The following NT5DC1 variants were observed in gnomAD, a reference collection of about 807,000 sequenced individuals.
NT5DC1 encodes 5'-nucleotidase domain-containing protein 1.
Under a neutral mutation model 59.4 loss-of-function variants are expected in NT5DC1, and 42 were observed. That is an observed-to-expected ratio of 0.71 (90% confidence interval 0.55 to 0.92). The LOEUF (loss-of-function observed/expected upper bound fraction) is 0.92. NT5DC1 is among the 40% of genes least tolerant of loss of function. The pLI is 0.00. For synonymous variants in NT5DC1, 172 were observed against 188.1 expected, an observed-to-expected ratio of 0.91 and a Z score of 0.70; for missense variants, 501 against 537.1, an observed-to-expected ratio of 0.93 and a Z score of 0.66.
intron 4 of NT5DC1, among the ~76,000 whole-genome samples, chr6:116,113,876 C>T (rs1249324462): frequency 6.6e-6 from 1 of 152,202 alleles, no homozygotes; most frequent in Non-Finnish European, 1.5e-5. Flanking sequence ...CCTGAGACAG[C>T]TGACCATGAA....
At chr6:116,177,280 T>C (rs1409420200) in intron 6 of NT5DC1, among the ~76,000 whole-genome samples, 1 of 152,198 alleles carries the variant, frequency 6.6e-6, no homozygotes, top group African/African-American at 2.4e-5. Flanking sequence ...TGACATACTT[T>C]TCAATTAACT....
At chr6:116,120,645 G>T (rs1441733997) in intron 6 of NT5DC1, 1 of 1,548,704 alleles carries the variant, frequency 6.5e-7, no homozygotes. Context: ...GGCCCTGGTG[G>T]CCCGGTGGGT....
chr6:116,181,670 T>TG (rs1780875100), intron 6 of NT5DC1, among the ~76,000 whole-genome samples: 2 of 151,986 alleles, frequency 1.3e-5, no homozygotes, highest in South Asian at 4.1e-4. Flanking sequence ...ACTTACAAAA[T>TG]GCAAGTACCT....
At position 116,124,016 on chromosome 6, in the gene NT5DC1, G is replaced by A. The variant is rs542078270; in HGVS notation, c.529+6071G>A. Among the ~76,000 whole-genome samples, 6 of 152,106 alleles carry A rather than the reference G, an allele frequency of 3.9e-5. No homozygotes were observed. In the South Asian group the frequency reaches 6.2e-4, roughly 16 times the overall value. ...TTGTGTTTGTTGCTTCAAGTAAAGC[G>A]GAAGGTTGCTTTGTCTTTTATTTTT... On this transcript the variant is annotated intron_variant, in intron 6 of 11. Transcript: ENST00000319550.
intron 6 of NT5DC1, among the ~76,000 whole-genome samples, chr6:116,176,584 C>T (rs1294569588): frequency 6.6e-6 from 1 of 152,144 alleles, no homozygotes; most frequent in Non-Finnish European, 1.5e-5. Context: ...AACACAGTAC[C>T]ATCTACTTGG....
At chr6:116,235,256 T>G (rs1053659414) in intron 8 of NT5DC1, among the ~76,000 whole-genome samples, 1 of 152,220 alleles carries the variant, frequency 6.6e-6, no homozygotes, top group East Asian at 1.9e-4. Flanking sequence ...ATTTGCGTAG[T>G]AAGACATTTC....
intron 1 of NT5DC1, 27 bp downstream of exon 1, chr6:116,101,050 C>T: frequency 6.6e-7 from 1 of 1,509,066 alleles, no homozygotes; most frequent in East Asian, 2.5e-5. Context: ...CCGGGGCGCA[C>T]TGCGCGCAAC....
At chr6:116,114,536 AGGG>A (rs1229150345) in intron 4 of NT5DC1, among the ~76,000 whole-genome samples, 8 of 20,254 alleles carry the variant, frequency 3.9e-4, no homozygotes, top group African/African-American at 6.3e-4. Context: ...AATTGGGGGG[AGGG>A]GGGGGGAGTC....
At chr6:116,155,146 C>T (rs1780154656) in intron 6 of NT5DC1, among the ~76,000 whole-genome samples, 1 of 152,028 alleles carries the variant, frequency 6.6e-6, no homozygotes, top group Non-Finnish European at 1.5e-5. Flanking sequence ...ATGATATGGC[C>T]TTGAAGTATT....
intron 8 of NT5DC1, among the ~76,000 whole-genome samples, chr6:116,228,772 GCTGATT>G (rs774413496): frequency 3.1e-4 from 47 of 152,254 alleles, no homozygotes; most frequent in African/African-American, 1.1e-3. Flanking sequence ...CTATTCTGCT[GCTGATT>G]CTGATTCTGA....
chr6:116,156,873 G>A (rs1780207692), intron 6 of NT5DC1, among the ~76,000 whole-genome samples: 2 of 152,112 alleles, frequency 1.3e-5, no homozygotes, highest in African/African-American at 4.8e-5. Context: ...CACAACTCTT[G>A]CCACAACCCC....
intron 6 of NT5DC1, among the ~76,000 whole-genome samples, chr6:116,140,964 A>G (rs1372098694): frequency 3.3e-5 from 5 of 152,180 alleles, no homozygotes; most frequent in African/African-American, 9.7e-5. Flanking sequence ...GAATCTTTCT[A>G]GGAAGTATAC....
chr6:116,239,787 T>C (rs1018576873), intron 11 of NT5DC1, among the ~76,000 whole-genome samples: 1 of 152,112 alleles, frequency 6.6e-6, no homozygotes, highest in Admixed American at 6.5e-5. Flanking sequence ...CTAAAAACAA[T>C]TCATATAAAA....
chr6:116,196,272 T>C (rs1373715651), intron 6 of NT5DC1, among the ~76,000 whole-genome samples: 3 of 152,070 alleles, frequency 2.0e-5, no homozygotes, highest in African/African-American at 7.2e-5. Flanking sequence ...ATATTTTCCA[T>C]ATCACATTTG....
chr6:116,111,490 T>C (rs1312945862), intron 4 of NT5DC1, among the ~76,000 whole-genome samples: 1 of 152,250 alleles, frequency 6.6e-6, no homozygotes, highest in Non-Finnish European at 1.5e-5. Flanking sequence ...AAATGATTTA[T>C]AGACATAGAT....
At chr6:116,190,082 GA>G (rs971728913) in intron 6 of NT5DC1, among the ~76,000 whole-genome samples, 1 of 151,828 alleles carries the variant, frequency 6.6e-6, no homozygotes, top group African/African-American at 2.4e-5. Flanking sequence ...AGCTTTATGG[GA>G]ATAGCAATAT....
intron 4 of NT5DC1, among the ~76,000 whole-genome samples, chr6:116,114,451 A>G (rs1778928375): frequency 6.9e-6 from 1 of 145,342 alleles, no homozygotes; most frequent in Non-Finnish European, 1.5e-5. Flanking sequence ...TGCTTAGAAT[A>G]TGCTGAACAC....
chr6:116,173,595 G>A (rs1780664882), intron 6 of NT5DC1, among the ~76,000 whole-genome samples: 1 of 152,266 alleles, frequency 6.6e-6, no homozygotes, highest in African/African-American at 2.4e-5. Flanking sequence ...AGGAGCTGTG[G>A]ACTGTGGTAA....
intron 4 of NT5DC1, among the ~76,000 whole-genome samples, chr6:116,114,108 T>C (rs1778924118): frequency 6.6e-6 from 1 of 152,170 alleles, no homozygotes; most frequent in African/African-American, 2.4e-5. Flanking sequence ...TTCTTAGGAA[T>C]TAAAAACAGC....
Sources: gnomAD v4.1 joint callset for allele counts (sites outside exome capture counted in the v4.1 genomes callset) on GRCh38, gnomAD v4.1.1 for gene constraint, MANE v1.5 for transcripts, NCBI Gene and HGNC (gene_info 2026-07-23, HGNC 2026-07-21) for gene names.